The following HCRTR2 variants were observed in gnomAD, a reference collection of about 807,000 sequenced individuals.
The protein encoded by HCRTR2 is hypocretin receptor 2, also known as orexin receptor type 2.
HCRTR2 carries 22 observed loss-of-function variants against 49.0 expected under a neutral mutation model. That is an observed-to-expected ratio of 0.45 (90% CI 0.32 to 0.64). The LOEUF is 0.64. HCRTR2 is among the 30% of genes least tolerant of loss of function. HCRTR2 has a pLI of 0.04. For missense variants in HCRTR2, 491 were observed against 559.4 expected, an observed-to-expected ratio of 0.88 and a Z score of 1.23; for synonymous variants, 236 against 205.3, an observed-to-expected ratio of 1.15 and a Z score of -1.28.
Position 55,243,052 on chromosome 6 carries a change from G to GC in HCRTR2, c.224-5586dup, listed in dbSNP as rs1286013646. Among the ~76,000 whole-genome samples the GC allele has an allele frequency of 2.0e-5, 3 of 150,636 alleles. No individual in the cohort carries two copies. In the East Asian group the frequency reaches 5.8e-4, roughly 29 times the overall value. On this transcript the variant is annotated intron_variant, in intron 1 of 6. Coordinates refer to ENST00000370862, the MANE Select transcript of HCRTR2 (RefSeq NM_001384272.1). ...ACTTTCCATGTCTTACGGAGAATGT[G>GC]CAGGAGCTATATATCATCAGATTCT...
chr6:55,241,794 T>C (rs919105992), intron 1 of HCRTR2, among the ~76,000 whole-genome samples: 8 of 151,860 alleles, frequency 5.3e-5, no homozygotes, highest in African/African-American at 1.2e-4. Context: ...TTGAAGGTTT[T>C]TGAGGGACAT....
intron 1 of HCRTR2, among the ~76,000 whole-genome samples, chr6:55,139,755 C>A (rs996449709): frequency 1.3e-5 from 2 of 152,062 alleles, no homozygotes; most frequent in South Asian, 4.1e-4. Flanking sequence ...TTAAAAAAAA[C>A]CCTGTTTTCT....
chr6:55,211,591 G>A (rs1256991823), intron 1 of HCRTR2, among the ~76,000 whole-genome samples: 1 of 152,082 alleles, frequency 6.6e-6, no homozygotes, highest in African/African-American at 2.4e-5. Context: ...AAATGCCTTG[G>A]TATTATTAAA....
intron 1 of HCRTR2, among the ~76,000 whole-genome samples, chr6:55,159,619 T>C (rs2127261717): frequency 6.6e-6 from 1 of 152,326 alleles, no homozygotes; most frequent in South Asian, 2.1e-4. Context: ...CTAACTAGAA[T>C]AACCAGTTTA....
chr6:55,201,683 T>A (rs919661847), intron 1 of HCRTR2, among the ~76,000 whole-genome samples: 1 of 152,172 alleles, frequency 6.6e-6, no homozygotes, highest in African/African-American at 2.4e-5. Flanking sequence ...AATGAATTAG[T>A]AAGTGACATA....
In HCRTR2 at chr6:55,206,322, G is replaced by A. The variant is rs2127288372; in HGVS notation, c.223+31512G>A. Among the ~76,000 whole-genome samples the A allele has an allele frequency of 4.6e-5, 7 of 152,176 alleles. No homozygotes were observed. The South Asian group carries it at 1.5e-3, about 32-fold the overall frequency. On this transcript the variant is annotated intron_variant, in intron 1 of 6. Coordinates refer to ENST00000370862, the MANE Select transcript of HCRTR2 (RefSeq NM_001384272.1). ...GAATCACTTAAAATAGTCATAAAAT[G>A]TAAAATTGCAAGACAATTAAAAACA...
intron 6 of HCRTR2, 108 bp downstream of exon 6, chr6:55,280,552 T>A: frequency 4.1e-6 from 6 of 1,464,730 alleles, no homozygotes; most frequent in South Asian, 2.4e-5. Flanking sequence ...GAGTTGTATT[T>A]TTTCCCTGAC....
intron 1 of HCRTR2, among the ~76,000 whole-genome samples, chr6:55,224,577 T>G (rs1182395104): frequency 6.6e-6 from 1 of 151,706 alleles, no homozygotes; most frequent in East Asian, 1.9e-4. Flanking sequence ...GAGCCGAGGT[T>G]GTGCCACTGA....
intron 1 of HCRTR2, among the ~76,000 whole-genome samples, chr6:55,247,540 C>T (rs537608192): frequency 2.0e-5 from 3 of 152,260 alleles, no homozygotes; most frequent in Admixed American, 1.3e-4. Context: ...GGTGACAGCT[C>T]TGACAGGTTT....
At chr6:55,260,270 A>T (rs1766730172) in intron 3 of HCRTR2, among the ~76,000 whole-genome samples, 1 of 152,148 alleles carries the variant, frequency 6.6e-6, no homozygotes, top group Admixed American at 6.6e-5. Flanking sequence ...AGTTATATAG[A>T]TTTTGTCATG....
intron 1 of HCRTR2, among the ~76,000 whole-genome samples, chr6:55,184,738 A>ATT (rs1765189203): frequency 2.6e-5 from 4 of 152,200 alleles, no homozygotes. Flanking sequence ...TCACAATGGA[A>ATT]ATACAACAAT....
At chr6:55,255,041 A>G (rs1766623091) in intron 2 of HCRTR2, 95 bp from the exon 3 acceptor site, 2 of 1,393,570 alleles carry the variant, frequency 1.4e-6, no homozygotes, top group African/African-American at 1.4e-5. Flanking sequence ...ATTTGCTTAT[A>G]TGTTGTGACT....
At chr6:55,264,032 T>C (rs367651052) in intron 4 of HCRTR2, 23 of 517,882 alleles carry the variant, frequency 4.4e-5, no homozygotes, top group South Asian at 3.6e-4. Context: ...GAAATATGTC[T>C]AGGCATTTTT....
At chr6:55,117,869 T>C (rs60269184) in intron 1 of HCRTR2, among the ~76,000 whole-genome samples, 5,543 of 130,384 alleles carry the variant, frequency 0.043, 339 homozygotes, top group African/African-American at 0.13. Context: ...ACAGACTGTT[T>C]GTTTTTTTTT....
chr6:55,237,030 T>C (rs2127302940), intron 1 of HCRTR2, among the ~76,000 whole-genome samples: 1 of 152,258 alleles, frequency 6.6e-6, no homozygotes, highest in East Asian at 1.9e-4. Context: ...AGCTTGGATA[T>C]TTTCTATTAG....
chr6:55,276,747 T>A (rs1409990833), intron 4 of HCRTR2, among the ~76,000 whole-genome samples: 2 of 152,184 alleles, frequency 1.3e-5, no homozygotes, highest in Admixed American at 1.3e-4. Flanking sequence ...AAATCCTCAA[T>A]GGGTTTGTGT....
At chr6:55,106,828 T>A (rs1763981649) in intron 1 of HCRTR2, among the ~76,000 whole-genome samples, 1 of 152,146 alleles carries the variant, frequency 6.6e-6, no homozygotes, top group Non-Finnish European at 1.5e-5. Context: ...TTTATACAAA[T>A]CTTTTGCACA....
chr6:55,250,224 G>T (rs1343148500), intron 2 of HCRTR2, among the ~76,000 whole-genome samples: 1 of 152,138 alleles, frequency 6.6e-6, no homozygotes, highest in East Asian at 1.9e-4. Flanking sequence ...ATTACAAAAC[G>T]AACAGTAGCA....
chr6:55,194,867 C>T (rs966658123), intron 1 of HCRTR2, among the ~76,000 whole-genome samples: 1 of 147,050 alleles, frequency 6.8e-6, no homozygotes, highest in African/African-American at 2.4e-5. Flanking sequence ...ATGTTGGCCT[C>T]TTGTATTGTT....
Sources: gnomAD v4.1 joint callset for allele counts (sites outside exome capture counted in the v4.1 genomes callset) on GRCh38, gnomAD v4.1.1 for gene constraint, MANE v1.5 for transcripts, NCBI Gene and HGNC (gene_info 2026-07-23, HGNC 2026-07-21) for gene names.